Variants in LARP1 observed in about 807,000 individuals in gnomAD.
LARP1 encodes the protein La ribonucleoprotein 1, translational regulator, also known as la-related protein 1.
LARP1 carries 36 observed loss-of-function variants against 122.7 expected under a neutral mutation model. The observed-to-expected ratio is 0.29, with a 90% CI of 0.22 to 0.39. The LOEUF (loss-of-function observed/expected upper bound fraction) is 0.39, where lower values mean the gene tolerates loss of function less well. Ranked by LOEUF, LARP1 falls within the 10% of genes least tolerant of loss-of-function variation. LARP1 has a pLI of 1.00. For missense variants in LARP1, 1,040 were observed against 1,403.6 expected (o/e 0.74, Z 4.14); for synonymous variants, 539 against 528.7 (o/e 1.02, Z -0.27).
At position 154,755,536 on chromosome 5, in the gene LARP1, G is replaced by C. The variant is rs1272522435; in HGVS notation, c.-222G>C. ...GCCTAGGAGGCCTGGACTGCAGAGT[G>C]GGGGGCCTTCCTCCCCCCCCGCCCC... On this transcript the variant is annotated 5_prime_UTR_variant, in exon 1 of 19. Coordinates refer to ENST00000518297, the MANE Select transcript of LARP1 (RefSeq NM_033551.3). The C allele has an allele frequency of 6.1e-6, 6 of 986,518 alleles. No homozygotes were observed. The highest frequency in any genetic ancestry group is 7.2e-6 in the Non-Finnish European group (6 of 829,468). The allele number at this position is 986,518 out of a possible 1,614,324, so 61.1% of individuals were successfully genotyped here.
At chr5:154,771,360 C>A (rs1755412898) in intron 1 of LARP1, among the ~76,000 whole-genome samples, 2 of 152,170 alleles carry the variant, frequency 1.3e-5, no homozygotes, top group Non-Finnish European at 2.9e-5. Flanking sequence ...CATTCATTTT[C>A]ACAGTAACCC....
intron 1 of LARP1, among the ~76,000 whole-genome samples, chr5:154,686,432 G>A (rs1753945495): frequency 6.6e-6 from 1 of 152,184 alleles, no homozygotes; most frequent in Non-Finnish European, 1.5e-5. Context: ...AGTTCAATGT[G>A]TTCCTAAGAC....
chr5:154,756,114 C>A lies in LARP1; in HGVS notation c.357C>A (p.Ala119=), dbSNP rs750378317. 1.1e-5 allele frequency: 14 copies of A among 1,231,942 alleles called. No individual in the cohort carries two copies. The African/African-American group carries it at 2.1e-4, about 19-fold the overall frequency. 76.3% of individuals were successfully genotyped at this position (1,231,942 alleles called of 1,614,324 possible). A position where few individuals can be genotyped will look rare whatever the true frequency, so the allele number is the denominator to read the frequency against. ...CGGGGCGCCGGGACTTCGTGGAAGC[C>A]CCCCCGCCCAAGGTGAACCCGTGGA... is the stretch of plus-strand genomic sequence containing the variant. ...AGAGRRDFVE[A]PPPKVNPWTK... The change falls in exon 1 of 19, where the codon GCC becomes GCA. Residue 119 remains alanine (A), a synonymous_variant. Coordinates refer to ENST00000518297, the MANE Select transcript of LARP1 (RefSeq NM_033551.3).
chr5:154,752,545 G>A (rs62382162), upstream of LARP1, among the ~76,000 whole-genome samples: 16,251 of 152,048 alleles, frequency 0.11, 1,102 homozygotes, highest in South Asian at 0.23. Flanking sequence ...GCCCGGCCTT[G>A]GACTTCACTT....
At chr5:154,799,444 A>C (rs1387119567) in intron 8 of LARP1, 147 bp from the exon 9 acceptor site, 2 of 748,638 alleles carry the variant, frequency 2.7e-6, no homozygotes, top group African/African-American at 3.5e-5. Flanking sequence ...ATTATCTACC[A>C]GTCGTGGAAG....
exon 1 of LARP1, chr5:154,713,067 G>A: frequency 1.9e-6 from 3 of 1,614,178 alleles, no homozygotes; most frequent in East Asian, 4.5e-5. Flanking sequence ...CCCGAGGAAG[G>A]AGCCCACAGG....
chr5:154,688,985 A>C lies in LARP1; in HGVS notation c.-180+5948A>C, dbSNP rs1754064781. ...TAAATTCAGAAAAGAAAAATACTAT[A>C]TATTGACACCATTTTTCCAAGTTAT... is the stretch of plus-strand genomic sequence containing the variant. On this transcript the variant is annotated intron_variant, in intron 1 of 18. Coordinates refer to the LARP1 transcript ENST00000687700. Among the ~76,000 whole-genome samples, 4 of 152,254 alleles carry C rather than the reference A, an allele frequency of 2.6e-5. No individual in the cohort carries two copies. The South Asian group carries it at 8.3e-4, about 31-fold the overall frequency.
chr5:154,736,536 T>TTTTATTTATTTATTTA lies in LARP1; in HGVS notation c.205+23438_205+23453dup, dbSNP rs56109800. On this transcript the variant is annotated intron_variant, in intron 1 of 18. Transcript: ENST00000336314. ...TTGAGCCACACCCTGCCTGGCCTAT[T>TTTTATTTATTTATTTA]TTTATTTATTTATTTATTTATTTAT... 3.1e-3 allele frequency among the ~76,000 whole-genome samples: 410 copies of TTTTATTTATTTATTTA among 133,200 alleles called. 3 individuals carry two copies. The highest frequency in any genetic ancestry group is 7.6e-3 in the East Asian group (36 of 4,746). 87.4% of individuals were successfully genotyped at this position (133,200 alleles called of 152,430 possible).
At position 154,684,445 on chromosome 5, in the gene LARP1, C is replaced by A. The variant is rs572963699; in HGVS notation, c.-180+1408C>A. Among the ~76,000 whole-genome samples the A allele has an allele frequency of 2.1e-3, 325 of 152,078 alleles. 2 individuals carry two copies. Among genetic ancestry groups the A allele is most frequent in the African/African-American group, 8.9e-4 (37 of 41,480 alleles). On this transcript the variant is annotated intron_variant, in intron 1 of 18. Transcript: ENST00000687700. ...AGTGAGACCCTTTCACACACACACACAAAAAAATTGTAGATTCTGATTCAG... is the reference window on the plus strand; with the variant it reads ...AGTGAGACCCTTTCACACACACACAAAAAAAAATTGTAGATTCTGATTCAG...
chr5:154,698,929 T>G (rs76006405), intron 1 of LARP1, among the ~76,000 whole-genome samples: 5,433 of 152,238 alleles, frequency 0.036, 223 homozygotes, highest in East Asian at 0.11. Flanking sequence ...ATAAGAAACC[T>G]GATAATTCAG....
Position 154,802,492 on chromosome 5 carries a change from G to A in LARP1, c.2109+93G>A. On this transcript the variant is annotated intron_variant, in intron 11 of 18. Coordinates refer to ENST00000518297, the MANE Select transcript of LARP1 (RefSeq NM_033551.3). This position sits in a 1 kb window ranked among gnomAD's most constrained non-coding sequence, Gnocchi z 5.1. ...TGATTAGCTGTGCAATTTTAGGCAGGTCCTTATAATTCAGAGTCTCAGGAT... is the reference window on the plus strand; with the variant it reads ...TGATTAGCTGTGCAATTTTAGGCAGATCCTTATAATTCAGAGTCTCAGGAT... 1 of 1,421,706 alleles carries A rather than the reference G, an allele frequency of 7.0e-7. No individual in the cohort carries two copies. Among genetic ancestry groups the A allele is most frequent in the South Asian group, 1.5e-5 (1 of 68,168 alleles). 88.1% of individuals were successfully genotyped at this position (1,421,706 alleles called of 1,614,324 possible).
chr5:154,721,887 C>T (rs1416605595), intron 1 of LARP1, among the ~76,000 whole-genome samples: 1 of 152,142 alleles, frequency 6.6e-6, no homozygotes, highest in Non-Finnish European at 1.5e-5. Flanking sequence ...CCAGATATTC[C>T]CTGTATCCTA....
Position 154,792,756 on chromosome 5 carries a change from T to C in LARP1, c.699T>C (p.Asn233=). Residue 233 remains asparagine, a synonymous_variant, in exon 4 of 19, where the codon AAT becomes AAC. Coordinates refer to ENST00000518297, the MANE Select transcript of LARP1 (RefSeq NM_033551.3). The part of the protein sequence containing the change: ...TKSDESGEEK[N]GDEDCQRGGQ... ...CAGATGAATCAGGGGAGGAAAAGAA[T>C]GGAGATGAGGATTGCCAGCGAGGCG... The C allele has an allele frequency of 2.5e-6, 4 of 1,613,930 alleles. No individual in the cohort carries two copies. Among genetic ancestry groups the C allele is most frequent in the Non-Finnish European group, 2.5e-6 (3 of 1,179,954 alleles).
chr5:154,775,001 C>A lies in LARP1; in HGVS notation c.437-15324C>A, dbSNP rs117775385. On this transcript the variant is annotated intron_variant, in intron 1 of 18. Transcript: ENST00000518297. Reference sequence around the variant, plus strand: ...GAGGCCCTTTGAATGGTCGGTGCTGCCAGGGGGAGATCAGAAGAGGACTAG... The same window carrying A: ...GAGGCCCTTTGAATGGTCGGTGCTGACAGGGGGAGATCAGAAGAGGACTAG... Among the ~76,000 whole-genome samples the A allele has an allele frequency of 9.7e-4, 148 of 152,140 alleles. 2 individuals are homozygous for A. The East Asian group carries it at 0.024, about 24-fold the overall frequency.
At chr5:154,747,063 G>C (rs1244282532) in intron 1 of LARP1, among the ~76,000 whole-genome samples, 3 of 152,162 alleles carry the variant, frequency 2.0e-5, no homozygotes, top group Non-Finnish European at 2.9e-5. Context: ...CCGGGAGGCG[G>C]AGGGTGCAGT....
intron 8 of LARP1, among the ~76,000 whole-genome samples, chr5:154,796,773 T>C (rs990119236): frequency 6.6e-5 from 10 of 152,206 alleles, no homozygotes; most frequent in Admixed American, 5.9e-4. Context: ...CCTCATCAAC[T>C]GTTCAGTTAC....
At chr5:154,734,806 A>G (rs1345791451) in intron 1 of LARP1, among the ~76,000 whole-genome samples, 1 of 152,180 alleles carries the variant, frequency 6.6e-6, no homozygotes, top group East Asian at 1.9e-4. Context: ...CTCTGCACCC[A>G]TTAAAAAACA....
At chr5:154,807,889 T>C (rs917362027) in intron 15 of LARP1, among the ~76,000 whole-genome samples, 4 of 152,228 alleles carry the variant, frequency 2.6e-5, no homozygotes. Context: ...TTTCTAGTTA[T>C]TAAGTTGTAG....
chr5:154,688,595 A>C (rs1754043940), intron 1 of LARP1, among the ~76,000 whole-genome samples: 1 of 144,014 alleles, frequency 6.9e-6, no homozygotes, highest in East Asian at 2.1e-4. Flanking sequence ...CAGAGGTTGC[A>C]GTGAGCCAAG....
Sources: gnomAD v4.1 joint callset for allele counts (sites outside exome capture counted in the v4.1 genomes callset) on GRCh38, gnomAD v4.1.1 for gene constraint, Gnocchi (gnomAD v3.1) non-coding constraint, MANE v1.5 for transcripts, NCBI Gene and HGNC (gene_info 2026-07-23, HGNC 2026-07-21) for gene names.